Variants in NAE1 observed in about 807,000 individuals in gnomAD.
The protein encoded by NAE1 is NEDD8 activating enzyme E1 subunit 1.
NAE1 carries 59 observed loss-of-function variants against 88.0 expected under a neutral mutation model. The observed-to-expected ratio is 0.67, with a 90% CI of 0.54 to 0.83. The LOEUF (loss-of-function observed/expected upper bound fraction) is 0.83. Ranked by LOEUF, NAE1 falls within the 40% of genes least tolerant of loss-of-function variation. NAE1 has a pLI of 0.00. For missense variants in NAE1, 554 were observed against 632.8 expected (o/e 0.88, Z 1.34); for synonymous variants, 186 against 208.9 (o/e 0.89, Z 0.95).
At chr16:66,806,062 T>G (rs1342840525) in intron 17 of NAE1, 36 bp from the exon 18 acceptor site, 1 of 1,565,024 alleles carries the variant, frequency 6.4e-7, no homozygotes, top group African/African-American at 1.4e-5. Flanking sequence ...AAAATAAATG[T>G]GATTCAAAAT....
In NAE1 at chr16:66,816,571, CTT is replaced by C; in HGVS notation, c.840+8_840+9del. On this transcript the variant is annotated splice_region_variant and intron_variant, in intron 11 of 19. Coordinates refer to ENST00000290810, the MANE Select transcript of NAE1 (RefSeq NM_003905.4). The stretch of plus-strand genomic sequence containing the variant: ...TGTTCATGTGAATCCCTCAGCAACT[CTT>C]TCATTACCTGAGTTGTATTTAGTGC... 6.3e-7 allele frequency: 1 copy of C among 1,582,282 alleles called. No homozygotes were observed. The highest frequency in any genetic ancestry group is 8.7e-7 in the Non-Finnish European group (1 of 1,152,344).
Position 66,813,861 on chromosome 16 carries a change from T to A in NAE1, c.841-15A>T, listed in dbSNP as rs1007469110. ...CTGCTTGGGATCTAACAAAGGAACA[T>A]GAAACATTTACTTACACAGTATTAA... On this transcript the variant is annotated splice_polypyrimidine_tract_variant and intron_variant, in intron 11 of 19. Coordinates refer to ENST00000290810, the MANE Select transcript of NAE1 (RefSeq NM_003905.4). 2 of 1,608,308 alleles carry A rather than the reference T, an allele frequency of 1.2e-6. No individual in the cohort carries two copies. Among genetic ancestry groups the A allele is most frequent in the East Asian group, 2.2e-5 (1 of 44,774 alleles).
At chr16:66,810,243 A>C in intron 15 of NAE1, 131 bp downstream of exon 15, 1 of 703,722 alleles carries the variant, frequency 1.4e-6, no homozygotes, top group Non-Finnish European at 2.5e-6. Context: ...AACCTTACCC[A>C]ATAATTATCT....
intron 11 of NAE1, among the ~76,000 whole-genome samples, chr16:66,815,915 G>A (rs781063764): frequency 6.6e-5 from 10 of 151,156 alleles, no homozygotes; most frequent in African/African-American, 9.7e-5. Flanking sequence ...TGCCCTCCTC[G>A]GCCTCCCAAA....
intron 17 of NAE1, among the ~76,000 whole-genome samples, chr16:66,806,495 G>A (rs1959572902): frequency 6.6e-6 from 1 of 152,022 alleles, no homozygotes; most frequent in South Asian, 2.1e-4. Flanking sequence ...TGCAGTCTCG[G>A]CTCACCGCAA....
intron 11 of NAE1, among the ~76,000 whole-genome samples, chr16:66,815,662 CTTT>C (rs80325903): frequency 7.2e-6 from 1 of 139,236 alleles, no homozygotes. Context: ...CCAGCAAACA[CTTT>C]TTTTTTTTTT....
chr16:66,821,469 G>T lies in NAE1; in HGVS notation c.492C>A (p.Ile164=). Residue 164 remains isoleucine (I), a synonymous_variant, in exon 7 of 20, where the codon ATC becomes ATA. Coordinates refer to ENST00000290810, the MANE Select transcript of NAE1 (RefSeq NM_003905.4). ...TTTTACCTGGATGTTCTTTTATAAT[G>T]ATCCTCATATAACCAACTAGTCCAT... ...RTYGLVGYMR[I]IIKEHPVIES... The T allele has an allele frequency of 1.9e-6, 3 of 1,576,942 alleles. No individual in the cohort carries two copies. The highest frequency in any genetic ancestry group is 2.3e-5 in the East Asian group (1 of 43,660).
At chr16:66,803,689 C>A (rs1959446030) in intron 19 of NAE1, among the ~76,000 whole-genome samples, 1 of 151,824 alleles carries the variant, frequency 6.6e-6, no homozygotes, top group Non-Finnish European at 1.5e-5. Flanking sequence ...CTCCCAAGTT[C>A]AAGTGATTCT....
At chr16:66,830,440 C>T (rs1266986874) in intron 1 of NAE1, among the ~76,000 whole-genome samples, 1 of 152,258 alleles carries the variant, frequency 6.6e-6, no homozygotes, top group Non-Finnish European at 1.5e-5. Context: ...TTGCGGCTCA[C>T]ATGAGACTAG....
At chr16:66,811,933 T>C (rs1268515999) in intron 13 of NAE1, among the ~76,000 whole-genome samples, 1 of 152,158 alleles carries the variant, frequency 6.6e-6, no homozygotes, top group Non-Finnish European at 1.5e-5. Context: ...TGACATTACT[T>C]GGACCCCAAA....
chr16:66,805,756 C>A (rs565029860), intron 19 of NAE1, 21 bp downstream of exon 19: 4 of 1,443,812 alleles, frequency 2.8e-6, no homozygotes, highest in Admixed American at 2.7e-5. Context: ...ACAGGTGAGT[C>A]TTCTCATATA....
At chr16:66,824,331 G>A (rs1431646869) in intron 4 of NAE1, among the ~76,000 whole-genome samples, 1 of 152,124 alleles carries the variant, frequency 6.6e-6, no homozygotes, top group Non-Finnish European at 1.5e-5. Context: ...GGTGGCTCAT[G>A]CCTGTAATCT....
At chr16:66,807,022 C>T (rs1418458248) in intron 17 of NAE1, among the ~76,000 whole-genome samples, 2 of 152,106 alleles carry the variant, frequency 1.3e-5, no homozygotes, top group Non-Finnish European at 2.9e-5. Context: ...GATACCTGAC[C>T]AGCCGCCAGC....
In NAE1 at chr16:66,830,902, C is replaced by G; in HGVS notation, c.-3G>C. On this transcript the variant is annotated 5_prime_UTR_variant, in exon 1 of 20. Coordinates refer to ENST00000290810, the MANE Select transcript of NAE1 (RefSeq NM_003905.4). ...AGCAGCTTTCCCAGCTGCGCCATGG[C>G]CGCGCCTGCCGCGCGGAAAACAGCC... The G allele has an allele frequency of 6.5e-7, 1 of 1,532,286 alleles. No individual in the cohort carries two copies. The highest frequency in any genetic ancestry group is 8.7e-7 in the Non-Finnish European group (1 of 1,148,520). 94.9% of individuals were successfully genotyped at this position (1,532,286 alleles called of 1,614,324 possible).
intron 19 of NAE1, among the ~76,000 whole-genome samples, chr16:66,803,671 A>ACCT (rs908836901): frequency 2.6e-5 from 4 of 151,340 alleles, no homozygotes; most frequent in African/African-American, 9.7e-5. Context: ...GCTCACTGCA[A>ACCT]CCTCCTCCTC....
intron 19 of NAE1, among the ~76,000 whole-genome samples, chr16:66,804,789 G>A (rs186020936): frequency 1.4e-4 from 20 of 146,404 alleles, no homozygotes; most frequent in African/African-American, 4.9e-4. Context: ...CCTAAGAAGA[G>A]ACCCCAGAGA....
At chr16:66,816,877 A>C (rs1960063502) in intron 10 of NAE1, 88 bp downstream of exon 10, 4 of 1,531,926 alleles carry the variant, frequency 2.6e-6, no homozygotes, top group African/African-American at 1.4e-5. Flanking sequence ...ATCATCTGAC[A>C]AAGGTGTTAA....
At chr16:66,805,378 T>C (rs953579308) in intron 19 of NAE1, among the ~76,000 whole-genome samples, 1 of 152,068 alleles carries the variant, frequency 6.6e-6, no homozygotes, top group African/African-American at 2.4e-5. Flanking sequence ...GGAGTTTAAG[T>C]TGGATGGCAG....
At chr16:66,815,605 T>C (rs572241817) in intron 11 of NAE1, among the ~76,000 whole-genome samples, 1 of 152,058 alleles carries the variant, frequency 6.6e-6, no homozygotes, top group East Asian at 1.9e-4. Context: ...CTTTCTGCCC[T>C]GGCCTCCCAA....
Sources: gnomAD v4.1 joint callset for allele counts (sites outside exome capture counted in the v4.1 genomes callset) on GRCh38, gnomAD v4.1.1 for gene constraint, MANE v1.5 for transcripts, NCBI Gene and HGNC (gene_info 2026-07-23, HGNC 2026-07-21) for gene names.